KIAA1217: variants seen among roughly 807,000 people sequenced by gnomAD.
KIAA1217 encodes sickle tail protein homolog.
A neutral mutation model predicts 163.9 loss-of-function variants in KIAA1217; 88 were observed. The ratio of observed to expected loss-of-function variants is 0.54; its 90% CI spans 0.45 to 0.64. KIAA1217 has a LOEUF of 0.64. Among genes scored for constraint, KIAA1217 ranks in the 30% least tolerant of loss-of-function variants. The pLI, the probability that KIAA1217 is intolerant of heterozygous loss-of-function variation, is 0.00. For missense variants in KIAA1217, 2,372 were observed against 2,475.0 expected (o/e 0.96, Z 0.88); for synonymous variants, 903 against 923.1 (o/e 0.98, Z 0.39).
intron 2 of KIAA1217, among the ~76,000 whole-genome samples, chr10:24,151,871 C>G (rs1288079248): frequency 6.6e-6 from 1 of 152,130 alleles, no homozygotes; most frequent in South Asian, 2.1e-4. Context: ...GATCACACAG[C>G]TGGTTAGTGG....
intron 1 of KIAA1217, among the ~76,000 whole-genome samples, chr10:23,902,813 G>A (rs556846219): frequency 1.3e-5 from 2 of 152,238 alleles, no homozygotes; most frequent in Admixed American, 6.5e-5. Flanking sequence ...TTGACAAAAG[G>A]ATCTGTGAGT....
intron 2 of KIAA1217, among the ~76,000 whole-genome samples, chr10:24,056,813 T>G (rs184431991): frequency 2.5e-3 from 374 of 152,232 alleles, no homozygotes; most frequent in African/African-American, 8.7e-3. Flanking sequence ...GAATATAAAA[T>G]AAATGTATTA....
At chr10:24,451,888 T>G (rs2061401088) in intron 5 of KIAA1217, among the ~76,000 whole-genome samples, 1 of 152,196 alleles carries the variant, frequency 6.6e-6, no homozygotes, top group Non-Finnish European at 1.5e-5. Context: ...GTCTTGCTTT[T>G]CTGTGTTCTT....
intron 1 of KIAA1217, among the ~76,000 whole-genome samples, chr10:23,721,255 A>T (rs1401850977): frequency 6.6e-6 from 1 of 152,118 alleles, no homozygotes; most frequent in East Asian, 1.9e-4. Flanking sequence ...TCCCATCTTG[A>T]CACTTCTGCC....
At chr10:24,086,213 G>A (rs757036527) in intron 2 of KIAA1217, among the ~76,000 whole-genome samples, 7 of 152,192 alleles carry the variant, frequency 4.6e-5, no homozygotes, top group African/African-American at 9.7e-5. Flanking sequence ...AAGTGACTCT[G>A]AAAAGGAGCC....
At chr10:23,913,941 AG>A (rs1842541063) in intron 1 of KIAA1217, among the ~76,000 whole-genome samples, 1 of 152,094 alleles carries the variant, frequency 6.6e-6, no homozygotes, top group African/African-American at 2.4e-5. Context: ...CTACGTAACC[AG>A]CATGTACCTG....
Position 24,438,489 on chromosome 10 carries a change from T to G in KIAA1217, c.846+10T>G, listed in dbSNP as rs546898020. The G allele has an allele frequency of 5.8e-5, 91 of 1,580,860 alleles. 1 individual carries two copies. The highest frequency in any genetic ancestry group is 7.5e-5 in the Non-Finnish European group (86 of 1,149,802). ...GAATGGAGACATGAGGGTAAGTGTT[T>G]CTGTCATATTTTTACTTATCTTCAG... is the stretch of plus-strand genomic sequence containing the variant. On this transcript the variant is annotated intron_variant, in intron 5 of 20. Coordinates refer to ENST00000376454, the MANE Select transcript of KIAA1217 (RefSeq NM_019590.5).
intron 1 of KIAA1217, among the ~76,000 whole-genome samples, chr10:23,750,423 A>G (rs957860791): frequency 4.6e-5 from 7 of 152,116 alleles, no homozygotes; most frequent in Admixed American, 3.9e-4. Context: ...TGTCTGTTTC[A>G]ACTGCCTAGA....
At chr10:24,333,235 G>A (rs1255853933) in intron 2 of KIAA1217, among the ~76,000 whole-genome samples, 1 of 152,044 alleles carries the variant, frequency 6.6e-6, no homozygotes, top group Admixed American at 6.6e-5. Flanking sequence ...ATATTGGACA[G>A]GCTGGTCTTG....
intron 1 of KIAA1217, among the ~76,000 whole-genome samples, chr10:23,784,934 G>GA (rs1418064263): frequency 3.3e-5 from 5 of 151,120 alleles, no homozygotes; most frequent in East Asian, 1.9e-4. Flanking sequence ...CTATTGTTTT[G>GA]AAAAAAAACC....
chr10:24,112,916 A>T (rs1446182956), intron 2 of KIAA1217, among the ~76,000 whole-genome samples: 2 of 152,082 alleles, frequency 1.3e-5, no homozygotes, highest in Non-Finnish European at 2.9e-5. Context: ...AAGAAGGGCC[A>T]CACAGAGACA....
rs144420046 is a variant in KIAA1217 at position 23,842,644 on chromosome 10, A to G, written c.-321+147410A>G. On this transcript the variant is annotated intron_variant, in intron 1 of 18. Coordinates refer to the KIAA1217 transcript ENST00000376462. ...TTCTTAAGTACCACACTATGTAACC[A>G]ACTTTTAATTACATGGTGGTGAATG... Among the ~76,000 whole-genome samples, 178 of 152,224 alleles carry G rather than the reference A, an allele frequency of 1.2e-3. 1 individual carries two copies. The highest frequency in any genetic ancestry group is 4.1e-3 in the African/African-American group (169 of 41,562).
At chr10:24,316,096 A>G (rs964332736) in intron 2 of KIAA1217, among the ~76,000 whole-genome samples, 1 of 152,132 alleles carries the variant, frequency 6.6e-6, no homozygotes, top group Admixed American at 6.6e-5. Flanking sequence ...CTGGTCTTCA[A>G]TGTGTTCAGT....
intron 1 of KIAA1217, among the ~76,000 whole-genome samples, chr10:23,982,563 C>CTCTCTT (rs1410942814): frequency 1.0e-4 from 15 of 146,318 alleles, no homozygotes; most frequent in Non-Finnish European, 2.2e-4. Context: ...CTCTCTCTCT[C>CTCTCTT]TCTCTCTCTC....
chr10:24,524,618 G>A lies in KIAA1217; in HGVS notation c.2752G>A (p.Ala918Thr), dbSNP rs1174326339. Reference sequence around the variant, plus strand: ...CTTGCCTCACGTGGCCAGCTCCCCAGCCGTCCCCCAGGAAGCAACCTCCAC... The same window carrying A: ...CTTGCCTCACGTGGCCAGCTCCCCAACCGTCCCCCAGGAAGCAACCTCCAC... ...QNLPHVASSP[A>T]VPQEATSTLQ... Residue 918 changes from alanine to threonine, a missense_variant, in exon 13 of 21, where the codon GCC becomes ACC. Around this residue, in one of 3 missense-constraint regions of KIAA1217, gnomAD observed 1,431 missense variants for 1,470.3 expected, o/e 0.97. Coordinates refer to ENST00000376454, the MANE Select transcript of KIAA1217 (RefSeq NM_019590.5). The A allele has an allele frequency of 1.9e-6, 3 of 1,614,026 alleles. No individual in the cohort carries two copies. Among genetic ancestry groups the A allele is most frequent in the Non-Finnish European group, 2.5e-6 (3 of 1,180,038 alleles).
chr10:23,783,863 T>C (rs544824535), intron 1 of KIAA1217, among the ~76,000 whole-genome samples: 1 of 152,292 alleles, frequency 6.6e-6, no homozygotes, highest in Non-Finnish European at 1.5e-5. Context: ...TTGTTTATAA[T>C]AGTTCCTTAG....
At chr10:24,545,594 CCT>C (rs1425917975) in intron 20 of KIAA1217, 1 of 1,378,298 alleles carries the variant, frequency 7.3e-7, no homozygotes, top group Non-Finnish European at 9.3e-7. Flanking sequence ...TGATGGGACT[CCT>C]CTCACAAATG....
chr10:24,014,856 G>A (rs1006883241), intron 2 of KIAA1217, among the ~76,000 whole-genome samples: 1 of 152,048 alleles, frequency 6.6e-6, no homozygotes, highest in African/African-American at 2.4e-5. Context: ...ACATTGAATT[G>A]CTGTTAAAGG....
intron 1 of KIAA1217, among the ~76,000 whole-genome samples, chr10:23,727,229 G>A (rs555191085): frequency 1.4e-4 from 21 of 151,720 alleles, no homozygotes; most frequent in South Asian, 1.0e-3. Context: ...CTAACCTTGC[G>A]ATCCACCCCT....
Sources: allele counts gnomAD v4.1 joint callset (sites outside exome capture counted in the v4.1 genomes callset), GRCh38; gene constraint gnomAD v4.1.1; regional missense constraint gnomAD v4.1.1; transcripts MANE v1.5; gene names NCBI Gene and HGNC (gene_info 2026-07-23, HGNC 2026-07-21).